The following SUGCT variants were observed in gnomAD, a reference collection of about 807,000 sequenced individuals.
SUGCT encodes succinyl-CoA:glutarate-CoA transferase, also known as succinyl-CoA:glutarate CoA-transferase.
Under a neutral mutation model 55.0 loss-of-function variants are expected in SUGCT, and 41 were observed. The ratio of observed to expected loss-of-function variants is 0.74; its 90% CI spans 0.58 to 0.97. The LOEUF (loss-of-function observed/expected upper bound fraction) is 0.97. SUGCT is among the 50% of genes least tolerant of loss of function. The pLI, the probability that SUGCT is intolerant of heterozygous loss-of-function variation, is 0.00. For missense variants in SUGCT, 568 were observed against 547.8 expected (o/e 1.04, Z -0.37); for synonymous variants, 187 against 200.4 (o/e 0.93, Z 0.56).
At chr7:40,735,100 G>A (rs1348649323) in intron 12 of SUGCT, among the ~76,000 whole-genome samples, 1 of 152,174 alleles carries the variant, frequency 6.6e-6, no homozygotes, top group Non-Finnish European at 1.5e-5. Context: ...CACTCGGAAT[G>A]GTTCCTTTCA....
the SUGCT span, among the ~76,000 whole-genome samples, chr7:41,035,886 A>G: frequency 0.66 from 100,770 of 152,020 alleles, 33,472 homozygotes; most frequent in Middle Eastern, 0.78. Flanking sequence ...TCTGCCTCAC[A>G]TGATGCAGCT....
chr7:40,223,210 A>G (rs962407109), intron 6 of SUGCT, among the ~76,000 whole-genome samples: 53 of 151,296 alleles, frequency 3.5e-4, no homozygotes, highest in Non-Finnish European at 6.0e-4. Context: ...ACAGGTGCCC[A>G]CCACCATGCC....
chr7:40,139,922 G>A (rs1787895551), intron 1 of SUGCT, among the ~76,000 whole-genome samples: 1 of 150,240 alleles, frequency 6.7e-6, no homozygotes, highest in Admixed American at 6.6e-5. Flanking sequence ...TTTTTTTTAA[G>A]ATGGAGTTTC....
At chr7:40,947,232 A>C in the SUGCT span, among the ~76,000 whole-genome samples, 1 of 152,144 alleles carries the variant, frequency 6.6e-6, no homozygotes, top group Non-Finnish European at 1.5e-5. Context: ...CTGTTGTGCC[A>C]TTCTAGTAAA....
chr7:40,521,203 G>A (rs1430420837), intron 12 of SUGCT, among the ~76,000 whole-genome samples: 1 of 152,104 alleles, frequency 6.6e-6, no homozygotes, highest in Non-Finnish European at 1.5e-5. Flanking sequence ...TCACATTAAT[G>A]GTTTAGTGCC....
At chr7:40,905,083 T>C in the SUGCT span, among the ~76,000 whole-genome samples, 1 of 152,194 alleles carries the variant, frequency 6.6e-6, no homozygotes, top group African/African-American at 2.4e-5. Context: ...AGGATAACAA[T>C]TTTCGAGCAT....
At chr7:40,249,319 A>ATCTATATATCTATATC (rs1562612016) in intron 7 of SUGCT, among the ~76,000 whole-genome samples, 2 of 39,762 alleles carry the variant, frequency 5.0e-5, no homozygotes, top group Non-Finnish European at 1.3e-4. Context: ...AAAGCTATAT[A>ATCTATATATCTATATC]TATATATATA....
chr7:40,140,266 C>A (rs1381182163), intron 1 of SUGCT, among the ~76,000 whole-genome samples: 2 of 152,166 alleles, frequency 1.3e-5, no homozygotes, highest in Non-Finnish European at 2.9e-5. Context: ...ATATGGCAAT[C>A]CAATTTTCCC....
intron 12 of SUGCT, among the ~76,000 whole-genome samples, chr7:40,581,798 C>T (rs909140287): frequency 6.6e-6 from 1 of 152,106 alleles, no homozygotes; most frequent in Admixed American, 6.5e-5. Flanking sequence ...CCATTTACAG[C>T]CGGGAAAGAA....
At chr7:40,362,674 AC>A (rs1201571802) in intron 9 of SUGCT, among the ~76,000 whole-genome samples, 2 of 152,192 alleles carry the variant, frequency 1.3e-5, no homozygotes, top group Admixed American at 1.3e-4. Context: ...AAGTTTGGAA[AC>A]AATATAATTT....
the SUGCT span, among the ~76,000 whole-genome samples, chr7:41,014,743 C>T: frequency 6.6e-6 from 1 of 152,072 alleles, no homozygotes; most frequent in Non-Finnish European, 1.5e-5. Context: ...ACATAAGATC[C>T]CTAAGAAAAA....
intron 11 of SUGCT, among the ~76,000 whole-genome samples, chr7:40,463,388 G>A (rs915637608): frequency 6.6e-6 from 1 of 152,122 alleles, no homozygotes; most frequent in Non-Finnish European, 1.5e-5. Flanking sequence ...AAATATACAC[G>A]TGAATTTCCT....
At chr7:40,391,780 C>G (rs1414265087) in intron 9 of SUGCT, among the ~76,000 whole-genome samples, 1 of 152,190 alleles carries the variant, frequency 6.6e-6, no homozygotes, top group Non-Finnish European at 1.5e-5. Flanking sequence ...CATCCCATTA[C>G]TGGTCATATA....
At chr7:40,188,447 A>AC in intron 3 of SUGCT, 48 bp from the exon 4 acceptor site, 1 of 1,299,736 alleles carries the variant, frequency 7.7e-7, no homozygotes, top group Middle Eastern at 2.3e-4. Context: ...AAAAAAAAAA[A>AC]AAAAAAAACA....
chr7:40,772,585 A>G (rs1040530385), intron 13 of SUGCT, among the ~76,000 whole-genome samples: 1 of 132,050 alleles, frequency 7.6e-6, no homozygotes, highest in African/African-American at 2.7e-5. Context: ...TCTGCTATCT[A>G]TCTATCTATC....
chr7:40,761,701 T>G (rs1788541109), intron 13 of SUGCT, among the ~76,000 whole-genome samples: 1 of 152,180 alleles, frequency 6.6e-6, no homozygotes, highest in Admixed American at 6.5e-5. Context: ...CTTATTAACA[T>G]CCTGTGGAAA....
chr7:40,754,517 C>A (rs1284807423), intron 13 of SUGCT, among the ~76,000 whole-genome samples: 4 of 152,224 alleles, frequency 2.6e-5, no homozygotes, highest in African/African-American at 7.2e-5. Context: ...CTGGATAGGA[C>A]CAGTCCCTCG....
chr7:40,163,885 G>A (rs1259297311), intron 1 of SUGCT, among the ~76,000 whole-genome samples: 2 of 150,518 alleles, frequency 1.3e-5, no homozygotes, highest in African/African-American at 4.9e-5. Context: ...GCAGTGGCAT[G>A]ATCTCAGCTC....
At chr7:40,415,041 T>C (rs1786895946) in intron 9 of SUGCT, among the ~76,000 whole-genome samples, 2 of 19,562 alleles carry the variant, frequency 1.0e-4, no homozygotes, top group Non-Finnish European at 2.2e-4. Flanking sequence ...CCACACTCTG[T>C]CACAAAAAAA....
Sources: gnomAD v4.1 joint callset for allele counts (sites outside exome capture counted in the v4.1 genomes callset) on GRCh38, gnomAD v4.1.1 for gene constraint, MANE v1.5 for transcripts, NCBI Gene and HGNC (gene_info 2026-07-23, HGNC 2026-07-21) for gene names.